The following AS3MT variants were observed in gnomAD, a reference collection of about 807,000 sequenced individuals.
AS3MT encodes the protein S-adenosyl-L-methionine:arsenic(III) methyltransferase.
In AS3MT, 47 loss-of-function variants were observed where a neutral mutation model predicts 45.3. The ratio of observed to expected loss-of-function variants is 1.04; its 90% CI spans 0.82 to 1.32. AS3MT has a LOEUF of 1.32. Among genes scored for constraint, AS3MT ranks in the 40% most tolerant of loss-of-function variants. The probability of loss-of-function intolerance (pLI) is 0.00; values close to 1 mark genes in which losing one functional copy is unlikely to be tolerated. For missense variants in AS3MT, 396 were observed against 451.1 expected, an observed-to-expected ratio of 0.88 and a Z score of 1.11; for synonymous variants, 141 against 152.8, an observed-to-expected ratio of 0.92 and a Z score of 0.57.
At chr10:102,898,961 C>T (rs967881186) in intron 10 of AS3MT, among the ~76,000 whole-genome samples, 1 of 152,162 alleles carries the variant, frequency 6.6e-6, no homozygotes, top group African/African-American at 2.4e-5. Context: ...GATGTTGGTG[C>T]AGGAAAGGAC....
chr10:102,893,058 C>CAAA (rs34643607), intron 10 of AS3MT, among the ~76,000 whole-genome samples: 57 of 142,026 alleles, frequency 4.0e-4, no homozygotes, highest in Middle Eastern at 3.6e-3. Flanking sequence ...TGAAAGACCA[C>CAAA]AAAAAAAAAA....
At chr10:102,874,437 A>G (rs760890382) in intron 5 of AS3MT, among the ~76,000 whole-genome samples, 155 bp from the exon 6 acceptor site, 39 of 152,234 alleles carry the variant, frequency 2.6e-4, no homozygotes, top group Non-Finnish European at 5.9e-5. Flanking sequence ...ATCTTGGGGA[A>G]AAGCTTAGTT....
chr10:102,872,327 C>A, intron 3 of AS3MT, 121 bp from the exon 4 acceptor site: 10 of 1,057,472 alleles, frequency 9.5e-6, no homozygotes, highest in African/African-American at 1.6e-5. Flanking sequence ...GTGAATGATG[C>A]AAGAAAGAAG....
intron 3 of AS3MT, among the ~76,000 whole-genome samples, chr10:102,871,476 G>A (rs1844682516): frequency 2.0e-5 from 3 of 148,880 alleles, no homozygotes; most frequent in African/African-American, 5.0e-5. Context: ...GAACCCGGGA[G>A]GCGGAGCTTG....
chr10:102,876,887 T>G, intron 6 of AS3MT, 67 bp from the exon 7 acceptor site: 1 of 1,488,506 alleles, frequency 6.7e-7, no homozygotes, highest in Admixed American at 1.7e-5. Context: ...CCCTATTCCT[T>G]TCTTTGTTAT....
At chr10:102,896,332 CAAAA>C (rs899491110) in intron 10 of AS3MT, among the ~76,000 whole-genome samples, 6 of 63,354 alleles carry the variant, frequency 9.5e-5, no homozygotes, top group African/African-American at 1.9e-4. Flanking sequence ...GACCCTGCCT[CAAAA>C]AAAAAAAAAA....
chr10:102,870,272 G>T, intron 3 of AS3MT, 61 bp downstream of exon 3: 1 of 1,593,542 alleles, frequency 6.3e-7, no homozygotes, highest in Non-Finnish European at 8.6e-7. Flanking sequence ...AAAAGATAAT[G>T]ATGCAGGTCA....
chr10:102,896,031 C>T (rs1845163359), intron 10 of AS3MT, among the ~76,000 whole-genome samples: 1 of 151,758 alleles, frequency 6.6e-6, no homozygotes, highest in South Asian at 2.1e-4. Flanking sequence ...CTGCCTTGGC[C>T]TCCCAAAGTG....
At chr10:102,891,857 G>A (rs1845074993) in intron 10 of AS3MT, among the ~76,000 whole-genome samples, 1 of 151,090 alleles carries the variant, frequency 6.6e-6, no homozygotes, top group African/African-American at 2.4e-5. Context: ...GGCTGAGATG[G>A]GAGGATTGCT....
At chr10:102,872,623 G>A in intron 4 of AS3MT, 25 bp downstream of exon 4, 3 of 1,570,360 alleles carry the variant, frequency 1.9e-6, no homozygotes, top group Non-Finnish European at 2.6e-6. Context: ...GGAAGACAAG[G>A]AGAAAAAGAT....
intron 10 of AS3MT, among the ~76,000 whole-genome samples, chr10:102,891,167 A>G (rs1315079823): frequency 6.6e-6 from 1 of 152,122 alleles, no homozygotes; most frequent in Non-Finnish European, 1.5e-5. Context: ...GCTGATCACC[A>G]GTTTCAGGTG....
At chr10:102,869,650 G>A in intron 1 of AS3MT, 57 bp downstream of exon 1, 1 of 1,283,228 alleles carries the variant, frequency 7.8e-7, no homozygotes, top group South Asian at 1.2e-5. Context: ...CTGGGCCCCC[G>A]CAAGGCGGGA....
chr10:102,882,970 C>T (rs1338201298), intron 9 of AS3MT, among the ~76,000 whole-genome samples: 1 of 152,126 alleles, frequency 6.6e-6, no homozygotes, highest in Non-Finnish European at 1.5e-5. Context: ...CCTTGATGTG[C>T]TGCCTATTCC....
chr10:102,869,916 C>G (rs1844648552), intron 2 of AS3MT, 71 bp downstream of exon 2: 1 of 1,598,272 alleles, frequency 6.3e-7, no homozygotes, highest in Non-Finnish European at 8.5e-7. Context: ...GGCCCGCACC[C>G]TGTCCCCCGG....
chr10:102,881,381 C>T lies in AS3MT; in HGVS notation c.885+2390C>T, dbSNP rs1184004712. ...CAGAACAAAATTATGCTAAATCTCT[C>T]TGGTAATTAACTAAATAAAAATCAT... On this transcript the variant is annotated intron_variant, in intron 9 of 10. Coordinates refer to ENST00000369880, the MANE Select transcript of AS3MT (RefSeq NM_020682.4). This position sits in a 1 kb window ranked among gnomAD's most constrained non-coding sequence, Gnocchi z 4.2. Among the ~76,000 whole-genome samples the T allele has an allele frequency of 6.6e-6, 1 of 152,186 alleles. No homozygotes were observed. Among genetic ancestry groups the T allele is most frequent in the Non-Finnish European group, 1.5e-5 (1 of 68,036 alleles).
intron 3 of AS3MT, among the ~76,000 whole-genome samples, chr10:102,871,077 C>G (rs1353998234): frequency 1.3e-5 from 2 of 152,100 alleles, no homozygotes; most frequent in Admixed American, 1.3e-4. Context: ...AACCCTGTCT[C>G]TACTGAAAAT....
chr10:102,900,158 GCAT>G (rs2134136904), intron 10 of AS3MT, among the ~76,000 whole-genome samples: 1 of 152,354 alleles, frequency 6.6e-6, no homozygotes, highest in Non-Finnish European at 1.5e-5. Context: ...TTTCATCTGA[GCAT>G]CAGCAATTGC....
intron 9 of AS3MT, among the ~76,000 whole-genome samples, chr10:102,880,599 T>C (rs887074424): frequency 2.6e-5 from 4 of 152,320 alleles, no homozygotes; most frequent in Admixed American, 2.6e-4. Context: ...ACAAATCTAT[T>C]GGATATTGTT....
intron 10 of AS3MT, among the ~76,000 whole-genome samples, chr10:102,899,501 G>T (rs1845236752): frequency 6.6e-6 from 1 of 152,132 alleles, no homozygotes; most frequent in African/African-American, 2.4e-5. Context: ...AAGGCCAGCA[G>T]GAAGTCAGTC....
Sources: allele counts gnomAD v4.1 joint callset (sites outside exome capture counted in the v4.1 genomes callset), GRCh38; gene constraint gnomAD v4.1.1; non-coding constraint Gnocchi (gnomAD v3.1); transcripts MANE v1.5; gene names NCBI Gene and HGNC (gene_info 2026-07-23, HGNC 2026-07-21).